FHOD3: variants seen among roughly 807,000 people sequenced by gnomAD.
The protein encoded by FHOD3 is FH1/FH2 domain-containing protein 3.
Under a neutral mutation model 173.0 loss-of-function variants are expected in FHOD3, and 90 were observed. That is an observed-to-expected ratio of 0.52 (90% CI 0.44 to 0.62). The LOEUF (loss-of-function observed/expected upper bound fraction) is 0.62. Ranked by LOEUF, FHOD3 falls within the 20% of genes least tolerant of loss-of-function variation. FHOD3 has a pLI of 0.00. For synonymous variants in FHOD3, 828 were observed against 823.0 expected (o/e 1.01, Z -0.10); for missense variants, 1,945 against 2,034.7 (o/e 0.96, Z 0.85).
intron 3 of FHOD3, among the ~76,000 whole-genome samples, chr18:36,380,519 C>T (rs529400932): frequency 2.7e-5 from 4 of 148,140 alleles, no homozygotes; most frequent in African/African-American, 1.0e-4. Context: ...CTCCTTTCCT[C>T]TCTCCCTTTT....
At position 36,297,854 on chromosome 18, in the gene FHOD3, CG is replaced by C. The variant is rs1197375748; in HGVS notation, c.22del (p.Val8CysfsTer93). On this transcript the variant is annotated frameshift_variant, in exon 1 of 29. Coordinates refer to ENST00000590592, the MANE Select transcript of FHOD3 (RefSeq NM_001281740.3). LOFTEE classifies it high-confidence loss of function. MATLACRVQFLDDTDPF... is the reference protein window; with the variant it reads MATLACXVQFLDDTDPF... ...ATGCATCATGGCCACGCTGGCTTGC[CG>C]GGTGCAGTTCTTGGACGACACGGAC... The C allele has an allele frequency of 1.3e-6, 2 of 1,533,292 alleles. No homozygotes were observed. Among genetic ancestry groups the C allele is most frequent in the Non-Finnish European group, 1.8e-6 (2 of 1,140,080 alleles). The allele number at this position is 1,533,292 out of a possible 1,614,324, so 95.0% of individuals were successfully genotyped here.
rs564264385 is a variant in FHOD3, at chr18:36,470,659, CTTTG to C, written c.338-31266_338-31263del. On this transcript the variant is annotated intron_variant, in intron 3 of 28. Coordinates refer to ENST00000590592, the MANE Select transcript of FHOD3 (RefSeq NM_001281740.3). ...TACAGATACTGGATCCAATCATTGG[CTTTG>C]TTTGTTCCCTGGTGAGCAAAATGAT... is the stretch of plus-strand genomic sequence containing the variant. 2.9e-3 allele frequency among the ~76,000 whole-genome samples: 437 copies of C among 152,334 alleles called. 3 individuals are homozygous for C. Among genetic ancestry groups the C allele is most frequent in the South Asian group, 6.2e-3 (30 of 4,826 alleles).
intron 19 of FHOD3, 107 bp downstream of exon 19, chr18:36,718,822 G>A (rs757533359): frequency 3.3e-6 from 5 of 1,498,234 alleles, no homozygotes; most frequent in Admixed American, 2.3e-5. Context: ...TTGGTAAAAA[G>A]TCCATTGGTA....
chr18:36,522,352 C>T (rs983817217), intron 5 of FHOD3, among the ~76,000 whole-genome samples: 2 of 152,208 alleles, frequency 1.3e-5, no homozygotes, highest in Admixed American at 1.3e-4. Context: ...AGTCCACCTG[C>T]TCTTGTTTCT....
intron 3 of FHOD3, among the ~76,000 whole-genome samples, chr18:36,418,558 A>G (rs573912767): frequency 6.6e-6 from 1 of 152,222 alleles, no homozygotes; most frequent in African/African-American, 2.4e-5. Context: ...ACATGGCAAA[A>G]CGTTGACTTT....
In FHOD3 at chr18:36,512,529, A is replaced by G. The variant is rs760164338; in HGVS notation, c.497A>G (p.Asn166Ser). Reference protein sequence around the residue: ...VGAEADQNYQNYILRALGQIM... With the variant: ...VGAEADQNYQSYILRALGQIM... Reference sequence around the variant, plus strand: ...GCTGAGGCTGATCAGAACTATCAGAACTACATCTTAAGGGGTAAGTCATGA... The same window carrying G: ...GCTGAGGCTGATCAGAACTATCAGAGCTACATCTTAAGGGGTAAGTCATGA... The change falls in exon 5 of 29, where the codon AAC becomes AGC. Residue 166 changes from asparagine (N) to serine (S), a missense_variant. Physicochemically the swap from Asn to Ser is conservative, Grantham distance 46 (BLOSUM62 1). This residue lies in a region of FHOD3 where 245 missense variants were observed against 267.7 expected (regional missense o/e 0.92). Transcript: ENST00000590592. The G allele has an allele frequency of 6.2e-7, 1 of 1,613,686 alleles. No individual in the cohort carries two copies. Among genetic ancestry groups the G allele is most frequent in the Non-Finnish European group, 8.5e-7 (1 of 1,179,684 alleles).
intron 5 of FHOD3, among the ~76,000 whole-genome samples, chr18:36,517,993 T>C (rs996280711): frequency 6.6e-6 from 1 of 152,194 alleles, no homozygotes; most frequent in Non-Finnish European, 1.5e-5. Flanking sequence ...ATATCATAGA[T>C]ATCATGGAAA....
chr18:36,330,684 G>C (rs922589064), intron 1 of FHOD3, among the ~76,000 whole-genome samples: 1 of 152,196 alleles, frequency 6.6e-6, no homozygotes, highest in Admixed American at 6.5e-5. Context: ...GGGTGACTTG[G>C]CTTCATGCAG....
intron 13 of FHOD3, among the ~76,000 whole-genome samples, chr18:36,655,279 T>C (rs1219992567): frequency 1.3e-5 from 2 of 152,116 alleles, no homozygotes; most frequent in Admixed American, 6.5e-5. Flanking sequence ...AACAAAAATA[T>C]GTTGGTGATC....
chr18:36,549,100 T>C (rs1752773133), intron 5 of FHOD3, among the ~76,000 whole-genome samples: 1 of 152,238 alleles, frequency 6.6e-6, no homozygotes, highest in Non-Finnish European at 1.5e-5. Flanking sequence ...GGTTAGTCTG[T>C]TTAATTTTAG....
intron 8 of FHOD3, among the ~76,000 whole-genome samples, chr18:36,608,584 A>G (rs867078845): frequency 3.3e-5 from 5 of 152,300 alleles, no homozygotes; most frequent in Middle Eastern, 3.4e-3. Flanking sequence ...ATGGAGATGG[A>G]TCACCTTCAC....
chr18:36,606,637 A>G (rs1220710166), intron 8 of FHOD3, among the ~76,000 whole-genome samples: 1 of 152,208 alleles, frequency 6.6e-6, no homozygotes, highest in African/African-American at 2.4e-5. Context: ...ATTCCAGTAC[A>G]GACTCAAAGT....
chr18:36,555,799 A>G (rs1359911472), intron 5 of FHOD3, among the ~76,000 whole-genome samples: 1 of 152,108 alleles, frequency 6.6e-6, no homozygotes, highest in African/African-American at 2.4e-5. Context: ...GACATTCTTC[A>G]TCTCTGGCAA....
At chr18:36,506,406 C>T (rs1262751116) in intron 4 of FHOD3, among the ~76,000 whole-genome samples, 1 of 152,180 alleles carries the variant, frequency 6.6e-6, no homozygotes, top group Non-Finnish European at 1.5e-5. Context: ...CTGGCACAAC[C>T]CCTAACCTCT....
rs571006932 is a variant in FHOD3, at chr18:36,550,066, T to C, written c.512-26385T>C. ...CACCAACTATTGAAAAAATGATCTT[T>C]TCTTCTATCTTTTATTAGCGAAAAC... On this transcript the variant is annotated intron_variant, in intron 5 of 28. Transcript: ENST00000590592. Among the ~76,000 whole-genome samples the C allele has an allele frequency of 7.1e-4, 108 of 152,024 alleles. 1 individual carries two copies. The highest frequency in any genetic ancestry group is 1.0e-3 in the South Asian group (5 of 4,812).
chr18:36,755,689 A>C (rs771001747), intron 25 of FHOD3, among the ~76,000 whole-genome samples: 3 of 152,190 alleles, frequency 2.0e-5, no homozygotes, highest in Non-Finnish European at 4.4e-5. Context: ...TAGAAAGACA[A>C]ATGTACTGAT....
At chr18:36,721,730 A>G (rs2040803918) in intron 19 of FHOD3, among the ~76,000 whole-genome samples, 2 of 152,328 alleles carry the variant, frequency 1.3e-5, no homozygotes, top group South Asian at 4.1e-4. Context: ...GATATAACCA[A>G]TTTCATTTCT....
At chr18:36,393,790 T>C (rs192860772) in intron 3 of FHOD3, among the ~76,000 whole-genome samples, 185 of 152,288 alleles carry the variant, frequency 1.2e-3, no homozygotes, top group Admixed American at 3.7e-3. Context: ...TCTTAAATTA[T>C]ACTGATCCTA....
chr18:36,705,365 C>G (rs886746515), intron 17 of FHOD3, among the ~76,000 whole-genome samples: 8 of 152,214 alleles, frequency 5.3e-5, no homozygotes, highest in Non-Finnish European at 1.0e-4. Flanking sequence ...CCTTTTAACT[C>G]ATTTTTACCC....
Sources: gnomAD v4.1 joint callset for allele counts (sites outside exome capture counted in the v4.1 genomes callset) on GRCh38, gnomAD v4.1.1 for gene constraint, gnomAD v4.1.1 regional missense constraint, MANE v1.5 for transcripts, NCBI Gene and HGNC (gene_info 2026-07-23, HGNC 2026-07-21) for gene names.